The following PKHD1 variants were observed in gnomAD, a reference collection of about 807,000 sequenced individuals.
The protein encoded by PKHD1 is PKHD1 ciliary IPT domain containing fibrocystin/polyductin, also known as fibrocystin.
In PKHD1, 291 loss-of-function variants were observed where a neutral mutation model predicts 412.0. The observed-to-expected ratio is 0.71, with a 90% CI of 0.64 to 0.78. The LOEUF (loss-of-function observed/expected upper bound fraction) is 0.78, where lower values mean the gene tolerates loss of function less well. PKHD1 is among the 30% of genes least tolerant of loss of function. The probability of loss-of-function intolerance (pLI) is 0.00; values close to 1 mark genes in which losing one functional copy is unlikely to be tolerated. For missense variants in PKHD1, 4,825 were observed against 4,950.7 expected (o/e 0.97, Z 0.76); for synonymous variants, 1,777 against 1,821.5 (o/e 0.98, Z 0.62).
chr6:51,700,099 A>T (rs151152420), intron 60 of PKHD1, among the ~76,000 whole-genome samples: 1 of 152,244 alleles, frequency 6.6e-6, no homozygotes, highest in African/African-American at 2.4e-5. Flanking sequence ...AATAAAAAAC[A>T]TTAACTATGC....
chr6:51,842,270 G>A lies in PKHD1; in HGVS notation c.8107+5505C>T, dbSNP rs145379397. Among the ~76,000 whole-genome samples, 266 of 152,298 alleles carry A rather than the reference G, an allele frequency of 1.7e-3. 1 individual carries two copies. The highest frequency in any genetic ancestry group is 4.7e-3 in the Admixed American group (72 of 15,310). On this transcript the variant is annotated intron_variant, in intron 50 of 66. Coordinates refer to ENST00000371117, the MANE Select transcript of PKHD1 (RefSeq NM_138694.4). ...TCTCTGCTCCATGAGTGGGGGCTGT[G>A]TGAACTCGGGAGGGCAACTGTGAAT...
At chr6:51,932,086 A>T (rs973276848) in intron 37 of PKHD1, among the ~76,000 whole-genome samples, 8 of 152,334 alleles carry the variant, frequency 5.3e-5, no homozygotes, top group African/African-American at 1.9e-4. Flanking sequence ...AGATGGCTGA[A>T]GTAGCAACAT....
At chr6:51,858,163 T>G (rs1773589988) in intron 48 of PKHD1, among the ~76,000 whole-genome samples, 1 of 152,216 alleles carries the variant, frequency 6.6e-6, no homozygotes, top group South Asian at 2.1e-4. Context: ...ATCCCTCCCC[T>G]TCTTTCAGTT....
At chr6:51,996,550 C>G (rs540779264) in intron 35 of PKHD1, among the ~76,000 whole-genome samples, 4 of 152,126 alleles carry the variant, frequency 2.6e-5, no homozygotes, top group Non-Finnish European at 5.9e-5. Context: ...CTTTAAAGTC[C>G]TGCGGGCCAC....
At chr6:51,662,072 A>G (rs1434696978) in intron 60 of PKHD1, among the ~76,000 whole-genome samples, 1 of 151,988 alleles carries the variant, frequency 6.6e-6, no homozygotes, top group Non-Finnish European at 1.5e-5. Context: ...CACAAGGAAA[A>G]CTATAAAATA....
intron 46 of PKHD1, among the ~76,000 whole-genome samples, chr6:51,881,353 G>A (rs1050091615): frequency 6.6e-6 from 1 of 152,060 alleles, no homozygotes; most frequent in African/African-American, 2.4e-5. Context: ...GACAAGAGCA[G>A]CCAAAATCCA....
At chr6:52,073,209 C>T (rs1810881826) in intron 7 of PKHD1, among the ~76,000 whole-genome samples, 2 of 152,170 alleles carry the variant, frequency 1.3e-5, no homozygotes, top group Non-Finnish European at 2.9e-5. Flanking sequence ...TCCACAGATG[C>T]AATTACAGTT....
intron 32 of PKHD1, among the ~76,000 whole-genome samples, chr6:52,023,497 T>C (rs1179368258): frequency 6.6e-6 from 1 of 152,220 alleles, no homozygotes; most frequent in African/African-American, 2.4e-5. Flanking sequence ...CTACAATTTA[T>C]TTGACAATTT....
Position 52,058,247 on chromosome 6 carries a change from C to T in PKHD1, c.1512+76G>A. On this transcript the variant is annotated intron_variant, in intron 16 of 66. Transcript: ENST00000371117. ...AATGACCCCTCAGGTCGCCAGACTC[C>T]CAGTCAGTGCTCCTGCTACATGGGA... 4 of 1,485,548 alleles carry T rather than the reference C, an allele frequency of 2.7e-6. No individual in the cohort carries two copies. In the East Asian group the frequency reaches 9.1e-5, roughly 34 times the overall value. The allele number at this position is 1,485,548 out of a possible 1,614,324, so 92.0% of individuals were successfully genotyped here.
At chr6:51,811,632 C>T (rs1473531221) in intron 52 of PKHD1, among the ~76,000 whole-genome samples, 1 of 152,138 alleles carries the variant, frequency 6.6e-6, no homozygotes, top group Non-Finnish European at 1.5e-5. Flanking sequence ...CTCTATTTCT[C>T]AGTTTCCCGG....
chr6:51,814,909 C>T (rs578022692), intron 52 of PKHD1, among the ~76,000 whole-genome samples: 11 of 152,074 alleles, frequency 7.2e-5, no homozygotes, highest in African/African-American at 2.4e-4. Flanking sequence ...ACAGAGAGTA[C>T]ATTTCTGGCC....
At chr6:51,884,710 G>C (rs1037946180) in intron 45 of PKHD1, among the ~76,000 whole-genome samples, 4 of 151,820 alleles carry the variant, frequency 2.6e-5, no homozygotes, top group African/African-American at 9.7e-5. Context: ...GGCTTTATTA[G>C]CATCTTTTAA....
At chr6:51,691,155 A>G (rs1778107613) in intron 60 of PKHD1, among the ~76,000 whole-genome samples, 1 of 140,020 alleles carries the variant, frequency 7.1e-6, no homozygotes, top group African/African-American at 2.7e-5. Flanking sequence ...TCAAAAAATA[A>G]CAGAAGCTGG....
chr6:51,740,291 A>G (rs1784405972), intron 60 of PKHD1, among the ~76,000 whole-genome samples: 1 of 152,186 alleles, frequency 6.6e-6, no homozygotes, highest in African/African-American at 2.4e-5. Flanking sequence ...GCTGATCCAC[A>G]TGGATGGTTT....
chr6:51,708,074 G>C (rs1363441595), intron 60 of PKHD1, among the ~76,000 whole-genome samples: 1 of 152,056 alleles, frequency 6.6e-6, no homozygotes, highest in African/African-American at 2.4e-5. Context: ...TCCTTAAAGG[G>C]CATCACCACT....
intron 58 of PKHD1, 40 bp downstream of exon 58, chr6:51,747,747 G>A (rs768157322): frequency 1.2e-5 from 18 of 1,557,272 alleles, no homozygotes; most frequent in Middle Eastern, 1.9e-4. Flanking sequence ...ATGCATGGAT[G>A]TATGAAATGG....
At chr6:51,694,957 T>C (rs1369740925) in intron 60 of PKHD1, among the ~76,000 whole-genome samples, 2 of 151,530 alleles carry the variant, frequency 1.3e-5, no homozygotes, top group African/African-American at 4.9e-5. Flanking sequence ...ATAAAAAAAA[T>C]TGGAAATTCT....
chr6:51,668,338 T>A (rs937221671), intron 60 of PKHD1, among the ~76,000 whole-genome samples: 22 of 152,154 alleles, frequency 1.4e-4, no homozygotes, highest in Non-Finnish European at 2.6e-4. Context: ...ATGATTTGTT[T>A]CTCTGTTTGT....
chr6:52,062,802 A>T, intron 13 of PKHD1, 142 bp from the exon 14 acceptor site: 1 of 949,390 alleles, frequency 1.1e-6, no homozygotes, highest in Non-Finnish European at 1.7e-6. Context: ...TAGAGTAGTT[A>T]TATGAAAGGT....
Sources: gnomAD v4.1 joint callset for allele counts (sites outside exome capture counted in the v4.1 genomes callset) on GRCh38, gnomAD v4.1.1 for gene constraint, MANE v1.5 for transcripts, NCBI Gene and HGNC (gene_info 2026-07-23, HGNC 2026-07-21) for gene names.